GBGT1: variants seen among roughly 807,000 people sequenced by gnomAD.
GBGT1 encodes globoside alpha-1,3-N-acetylgalactosaminyltransferase 1.
In GBGT1, 18 loss-of-function variants were observed where a neutral mutation model predicts 20.9. The observed-to-expected ratio is 0.86, with a 90% CI of 0.60 to 1.28. The LOEUF (loss-of-function observed/expected upper bound fraction) is 1.28, where lower values mean the gene tolerates loss of function less well. GBGT1 is among the 50% of genes most tolerant of loss of function. GBGT1 has a pLI of 0.00. For synonymous variants in GBGT1, 168 were observed against 180.8 expected (o/e 0.93, Z 0.57); for missense variants, 432 against 455.7 (o/e 0.95, Z 0.47).
intron 3 of GBGT1, 136 bp from the exon 4 acceptor site, chr9:133,156,201 C>T: frequency 3.4e-6 from 3 of 870,060 alleles, no homozygotes; most frequent in Non-Finnish European, 5.5e-6. Flanking sequence ...CCTTCCCCCA[C>T]AGCCCCACCC....
chr9:133,153,196 A>C lies in GBGT1; in HGVS notation c.*381T>G. The C allele has an allele frequency of 6.0e-6, 1 of 166,814 alleles. No homozygotes were observed. The highest frequency in any genetic ancestry group is 1.3e-5 in the Non-Finnish European group (1 of 78,134). The allele number at this position is 166,814 out of a possible 1,614,324, so 10.3% of individuals were successfully genotyped here. On this transcript the variant is annotated 3_prime_UTR_variant, in exon 7 of 7. Transcript: ENST00000372040. ...GTCTAGGGCGCCTTCACACCAGGGT[A>C]TTAGAAATGCTACGTTAAGGGCAAT...
At position 133,155,897 on chromosome 9, in the gene GBGT1, C is replaced by T. The variant is rs1343782793; in HGVS notation, c.224+4G>A. On this transcript the variant is annotated splice_donor_region_variant and intron_variant, in intron 5 of 6. Coordinates refer to ENST00000372040, the MANE Select transcript of GBGT1 (RefSeq NM_021996.6). ...CCCCCATCAGGCCTCTCCATGACAC[C>T]TACCTGTGCTCCAGCAGCTTGGGCT... is the stretch of plus-strand genomic sequence containing the variant. 2 of 1,614,128 alleles carry T rather than the reference C, an allele frequency of 1.2e-6. No individual in the cohort carries two copies. The highest frequency in any genetic ancestry group is 1.1e-5 in the South Asian group (1 of 91,086).
intron 5 of GBGT1, 49 bp from the exon 6 acceptor site, chr9:133,155,361 TAA>T: frequency 6.2e-7 from 1 of 1,608,560 alleles, no homozygotes; most frequent in Non-Finnish European, 8.5e-7. Flanking sequence ...TGTGAAAGCC[TAA>T]GTCTCATCCC....
At chr9:133,159,213 G>A (rs555658029) in intron 3 of GBGT1, among the ~76,000 whole-genome samples, 10 of 152,240 alleles carry the variant, frequency 6.6e-5, no homozygotes, top group Middle Eastern at 3.4e-3. Context: ...CACCAGCCTC[G>A]GCCTCCCAAA....
At chr9:133,156,956 G>A (rs1008210348) in intron 3 of GBGT1, among the ~76,000 whole-genome samples, 1 of 152,170 alleles carries the variant, frequency 6.6e-6, no homozygotes, top group Non-Finnish European at 1.5e-5. Flanking sequence ...GACAACCTGG[G>A]TGGGACCGAT....
chr9:133,157,275 G>A (rs1215011433), intron 3 of GBGT1, among the ~76,000 whole-genome samples: 1 of 144,140 alleles, frequency 6.9e-6, no homozygotes, highest in East Asian at 2.0e-4. Context: ...CCCACAAAGT[G>A]AGACCCTGTC....
At chr9:133,159,988 TAAA>T (rs61385460) in intron 3 of GBGT1, 2 of 133,274 alleles carry the variant, frequency 1.5e-5, no homozygotes, top group South Asian at 2.1e-4. Flanking sequence ...CTAGTAATAA[TAAA>T]AAAAAAAAAA....
In GBGT1 at chr9:133,154,151, A is replaced by T. The variant is rs1351801339; in HGVS notation, c.470T>A (p.Val157Asp). ...FTDNPAAVPG[V>D]PLGPHRLLSS... ...GAGAAGCCGGTGGGGACCCAGCGGG[A>T]CCCCGGGAACGGCTGCAGGGTTGTC... Residue 157 changes from valine to aspartate, a missense_variant, in exon 7 of 7, where the codon GTC becomes GAC. Coordinates refer to ENST00000372040, the MANE Select transcript of GBGT1 (RefSeq NM_021996.6). The surrounding 1 kb of genome is among the most constrained non-coding windows in gnomAD (Gnocchi z 4.2). 4.4e-6 allele frequency: 7 copies of T among 1,596,960 alleles called. No homozygotes were observed. The East Asian group carries it at 1.6e-4, about 36-fold the overall frequency.
rs369096198 is a variant in GBGT1 at position 133,154,277 on chromosome 9, C to T, written c.360-16G>A. On this transcript the variant is annotated splice_polypyrimidine_tract_variant and intron_variant, in intron 6 of 6. Coordinates refer to ENST00000372040, the MANE Select transcript of GBGT1 (RefSeq NM_021996.6). The surrounding 1 kb of genome is among the most constrained non-coding windows in gnomAD (Gnocchi z 4.2). ...ATGAGTGTACCTAGTGATGATCACC[C>T]GGTCACCCACTGCTACACCAGCAGC... The T allele has an allele frequency of 7.7e-5, 113 of 1,461,184 alleles. No homozygotes were observed. The highest frequency in any genetic ancestry group is 9.3e-5 in the Non-Finnish European group (101 of 1,085,998). The allele number at this position is 1,461,184 out of a possible 1,614,324, so 90.5% of individuals were successfully genotyped here.
chr9:133,161,656 T>A, intron 2 of GBGT1, 124 bp from the exon 3 acceptor site: 1 of 640,512 alleles, frequency 1.6e-6, no homozygotes, highest in Non-Finnish European at 2.7e-6. Flanking sequence ...AGGTCCCCTG[T>A]CATTCTGTAG....
intron 3 of GBGT1, among the ~76,000 whole-genome samples, chr9:133,160,787 A>G (rs2119322709): frequency 6.6e-6 from 1 of 152,282 alleles, no homozygotes; most frequent in East Asian, 1.9e-4. Flanking sequence ...AGGCAGGTGG[A>G]ACACTTGAGG....
rs146887748 is a variant in GBGT1 at position 133,153,462 on chromosome 9, C to T, written c.*115G>A. On this transcript the variant is annotated 3_prime_UTR_variant, in exon 7 of 7. Coordinates refer to ENST00000372040, the MANE Select transcript of GBGT1 (RefSeq NM_021996.6). The stretch of plus-strand genomic sequence containing the variant: ...CAGTGGCCTTTCCACGTCCCTTTTC[C>T]GGTTGAATTCGCCTGACTGACAGGG... The T allele has an allele frequency of 2.9e-3, 2,110 of 722,812 alleles. 4 individuals are homozygous for T. The highest frequency in any genetic ancestry group is 4.1e-3 in the Non-Finnish European group (1,772 of 436,914). The allele number at this position is 722,812 out of a possible 1,614,324, so 44.8% of individuals were successfully genotyped here. A position where few individuals can be genotyped will look rare whatever the true frequency, so the allele number is the denominator to read the frequency against.
intron 3 of GBGT1, among the ~76,000 whole-genome samples, chr9:133,159,556 C>A (rs1226735038): frequency 6.6e-6 from 1 of 152,128 alleles, no homozygotes; most frequent in African/African-American, 2.4e-5. Flanking sequence ...CCGGCAGGGG[C>A]GAGTTGGGAC....
rs190265395 is a variant in GBGT1, at chr9:133,153,692, G to T, written c.929C>A (p.Pro310Gln). 1.1e-4 allele frequency: 182 copies of T among 1,613,786 alleles called. No individual in the cohort carries two copies. The highest frequency in any genetic ancestry group is 2.5e-6 in the Non-Finnish European group (3 of 1,179,860). Residue 310 changes from proline to glutamine, a missense_variant, in exon 7 of 7, where the codon CCG becomes CAG. Physicochemically the swap from Pro to Gln is moderately conservative, Grantham distance 76 (BLOSUM62 -1). Coordinates refer to ENST00000372040, the MANE Select transcript of GBGT1 (RefSeq NM_021996.6). ...HLNRHFISNKPSKVLSPEYLW... is the reference protein window; with the variant it reads ...HLNRHFISNKQSKVLSPEYLW... ...GTACTCGGGGGACAGCACCTTGGAC[G>T]GCTTGTTTGAGATGAAGTGACGGTT...
rs141083020 is a variant in GBGT1, at chr9:133,160,579, G to C, written c.137+888C>G. 3.6e-3 allele frequency among the ~76,000 whole-genome samples: 551 copies of C among 152,316 alleles called. 4 individuals are homozygous for C. The highest frequency in any genetic ancestry group is 6.3e-3 in the Non-Finnish European group (430 of 68,032). ...TCTGAACAAAATGATCTTTGAAATG[G>C]AGAAAGGGTTATGCTGCTCATCACA... On this transcript the variant is annotated intron_variant, in intron 3 of 6. Transcript: ENST00000372040.
At chr9:133,155,126 A>T in intron 6 of GBGT1, 52 bp downstream of exon 6, 1 of 1,557,404 alleles carries the variant, frequency 6.4e-7, no homozygotes, top group Non-Finnish European at 8.8e-7. Flanking sequence ...CCCAACTATA[A>T]ACTCCTGTGG....
chr9:133,158,755 A>G (rs190170272), intron 3 of GBGT1, among the ~76,000 whole-genome samples: 166 of 152,302 alleles, frequency 1.1e-3, no homozygotes, highest in Admixed American at 3.1e-3. Flanking sequence ...TCACATTGTC[A>G]TGCAACCATC....
Position 133,153,751 on chromosome 9 carries a change from G to A in GBGT1, c.870C>T (p.Gly290=), listed in dbSNP as rs35902535. ...TTTCCTCCCGCCAGGCAGCCATGAT[G>A]CCATTGGCCTTGTCCGCCAGGATGG... ...HMAILADKAN[G]IMAAWREESH... is the part of the protein sequence containing the mutation. Residue 290 remains glycine, a synonymous_variant, in exon 7 of 7, where the codon GGC becomes GGT. Transcript: ENST00000372040. 0.064 allele frequency: 102,630 copies of A among 1,612,620 alleles called. 3,576 individuals are homozygous for A. Among genetic ancestry groups the A allele is most frequent in the Middle Eastern group, 0.084 (505 of 6,046 alleles).
chr9:133,157,922 A>G (rs1832919311), intron 3 of GBGT1, among the ~76,000 whole-genome samples: 1 of 152,220 alleles, frequency 6.6e-6, no homozygotes, highest in Non-Finnish European at 1.5e-5. Context: ...CAAAGCGGGC[A>G]GATCACAAGG....
Sources: allele counts gnomAD v4.1 joint callset (sites outside exome capture counted in the v4.1 genomes callset), GRCh38; gene constraint gnomAD v4.1.1; non-coding constraint Gnocchi (gnomAD v3.1); transcripts MANE v1.5; gene names NCBI Gene and HGNC (gene_info 2026-07-23, HGNC 2026-07-21).